RECQL4: variants seen among roughly 807,000 people sequenced by gnomAD.
RECQL4 encodes RecQ like helicase 4.
RECQL4 carries 158 observed loss-of-function variants against 128.6 expected under a neutral mutation model. That is an observed-to-expected ratio of 1.23 (90% CI 1.08 to 1.40). RECQL4 has a LOEUF of 1.40. Ranked by LOEUF, RECQL4 falls within the 40% of genes most tolerant of loss-of-function variation. The probability of loss-of-function intolerance (pLI) is 0.00; values close to 1 mark genes in which losing one functional copy is unlikely to be tolerated. For synonymous variants in RECQL4, 996 were observed against 678.9 expected (o/e 1.47, Z -7.26); for missense variants, 2,293 against 1,649.8 (o/e 1.39, Z -6.75).
rs1827774588 is a variant in RECQL4, at chr8:144,513,984, C to T, written c.2002G>A (p.Ala668Thr). Residue 668 changes from alanine (A) to threonine (T), a missense_variant, in exon 12 of 21, where the codon GCC becomes ACC. Physicochemically the swap from Ala to Thr is moderately conservative, Grantham distance 58 (BLOSUM62 0). Transcript: ENST00000617875. Reference protein sequence around the residue: ...VAEEPDLHGPAPVPTNLHLSV... With the variant: ...VAEEPDLHGPTPVPTNLHLSV... ...AGGTGCAGGTTGGTGGGAACTGGGG[C>T]TGGCCCGTGGAGGTCAGGCTCTTCA... The T allele has an allele frequency of 2.6e-6, 4 of 1,565,528 alleles. No homozygotes were observed. The highest frequency in any genetic ancestry group is 2.4e-5 in the East Asian group (1 of 41,908).
chr8:144,512,536 C>T lies in RECQL4; in HGVS notation c.2911G>A (p.Ala971Thr), dbSNP rs1827445508. The T allele has an allele frequency of 1.9e-6, 3 of 1,612,480 alleles. No individual in the cohort carries two copies. Among genetic ancestry groups the T allele is most frequent in the Non-Finnish European group, 2.5e-6 (3 of 1,179,834 alleles). ...CCTGGGTCCTCAGGCAGCTGCTGGG[C>T]CAAGCACACAGCCAAAGGGGGACAC... ...HRCPPLAVCL[A>T]QQLPEDPGQG... The change falls in exon 17 of 21, where the codon GCC becomes ACC. Residue 971 changes from alanine (A) to threonine (T), a missense_variant. Transcript: ENST00000617875.
chr8:144,517,327 C>G, intron 3 of RECQL4, 87 bp downstream of exon 3: 1 of 1,481,672 alleles, frequency 6.7e-7, no homozygotes, highest in Non-Finnish European at 9.0e-7. Flanking sequence ...TTCTGTGCCC[C>G]ACGGCGGCCT....
Position 144,512,190 on chromosome 8 carries a change from G to A in RECQL4, c.3190C>T (p.Arg1064Cys), listed in dbSNP as rs781751586. 2.4e-5 allele frequency: 38 copies of A among 1,611,944 alleles called. 2 individuals carry two copies. The South Asian group carries it at 2.9e-4, about 12-fold the overall frequency. The change falls in exon 18 of 21, where the codon CGC (arginine) becomes TGC (cysteine). Residue 1064 changes from arginine to cysteine, a missense_variant. By Grantham distance (180) the Arg-to-Cys change is radical. Transcript: ENST00000617875. ...CTGCGCAGACGGGCCAGGGCCTGGCGCTCCCGGGCCTGCACACGGCCATAG... is the reference window on the plus strand; with the variant it reads ...CTGCGCAGACGGGCCAGGGCCTGGCACTCCCGGGCCTGCACACGGCCATAG... ...FLYGRVQARERQALARLRRTF... is the reference protein window; with the variant it reads ...FLYGRVQARECQALARLRRTF...
Position 144,512,323 on chromosome 8 carries a change from A to G in RECQL4, c.3057T>C (p.Gly1019=). 1 of 1,612,086 alleles carries G rather than the reference A, an allele frequency of 6.2e-7. No homozygotes were observed. Among genetic ancestry groups the G allele is most frequent in the Non-Finnish European group, 8.5e-7 (1 of 1,179,542 alleles). Residue 1019 remains glycine, a splice_region_variant and synonymous_variant, in exon 18 of 21, where the codon GGT becomes GGC. Transcript: ENST00000617875. ...QLQWDHEPRT[G]VRRGTGVLVE... ...CAAGCACCCCTGTCCCACGCCGCAC[A>G]CCTGCCGGAAAGCATGTCAGATGCA... is the stretch of plus-strand genomic sequence containing the variant.
intron 4 of RECQL4, 75 bp from the exon 5 acceptor site, chr8:144,516,839 T>A: frequency 1.4e-6 from 2 of 1,427,464 alleles, no homozygotes; most frequent in African/African-American, 2.9e-5. Flanking sequence ...CCTACCTGAG[T>A]CCCCACGCTC....
Position 144,516,552 on chromosome 8 carries a change from G to A in RECQL4, c.567C>T (p.Gly189=), listed in dbSNP as rs1815044301. 1.9e-6 allele frequency: 3 copies of A among 1,609,802 alleles called. No individual in the cohort carries two copies. Among genetic ancestry groups the A allele is most frequent in the South Asian group, 1.1e-5 (1 of 90,776 alleles). The change falls in exon 5 of 21, where the codon GGC becomes GGT. Residue 189 remains glycine, a synonymous_variant. Coordinates refer to ENST00000617875, the MANE Select transcript of RECQL4 (RefSeq NM_004260.4). ...CCTCACTGTGACATCGCTGTAACCA[G>A]CCAGGATCTAGGGAGCCCAGCCGCT... ...LSQRLGSLDP[G]WLQRCHSEVP...
At chr8:144,515,499 G>A (rs750142625) in intron 6 of RECQL4, 42 bp from the exon 7 acceptor site, 14 of 1,611,690 alleles carry the variant, frequency 8.7e-6, no homozygotes, top group Non-Finnish European at 9.3e-6. Context: ...CTCCAGGTCG[G>A]GCAAGACAAC....
rs1417459523 is a variant in RECQL4, at chr8:144,514,814, GCCACAGACA to G, written c.1620+113_1620+121del. 7.2e-6 allele frequency: 9 copies of G among 1,256,820 alleles called. No homozygotes were observed. The African/African-American group carries it at 1.3e-4, about 19-fold the overall frequency. 77.9% of individuals were successfully genotyped at this position (1,256,820 alleles called of 1,614,324 possible). ...ACCTGCTGCCAAGACTGGGACTGAGGCCACAGACACCTTGAAGCTCCCAGGGGAGGGGGT... is the reference window on the plus strand; with the variant it reads ...ACCTGCTGCCAAGACTGGGACTGAGGCCTTGAAGCTCCCAGGGGAGGGGGT... On this transcript the variant is annotated intron_variant, in intron 9 of 20. Coordinates refer to ENST00000617875, the MANE Select transcript of RECQL4 (RefSeq NM_004260.4).
chr8:144,515,164 A>G lies in RECQL4; in HGVS notation c.1469T>C (p.Met490Thr), dbSNP rs1554900934. The change falls in exon 8 of 21, where the codon ATG (methionine) becomes ACG (threonine). Residue 490 changes from methionine to threonine, a missense_variant. Transcript: ENST00000617875. ...AFRPGQERAV[M>T]RILSGISTLL... ...GCCACGCTCACCAGACAGGATCCGC[A>G]TGACTGCACGCTCCTGCCCAGGGCG... 6.4e-6 allele frequency: 10 copies of G among 1,565,444 alleles called. No homozygotes were observed. Among genetic ancestry groups the G allele is most frequent in the South Asian group, 1.2e-5 (1 of 85,448 alleles).
At position 144,511,293 on chromosome 8, in the gene RECQL4, A is replaced by G; in HGVS notation, c.*138T>C. On this transcript the variant is annotated 3_prime_UTR_variant, in exon 21 of 21. Coordinates refer to ENST00000617875, the MANE Select transcript of RECQL4 (RefSeq NM_004260.4). The stretch of plus-strand genomic sequence containing the variant: ...TCATTGGCCAAGAGGGCCCATAAAA[A>G]CAAAGTGAGCATTTTTTATTCTGCA... The G allele has an allele frequency of 6.5e-7, 1 of 1,540,674 alleles. No homozygotes were observed. The highest frequency in any genetic ancestry group is 8.8e-7 in the Non-Finnish European group (1 of 1,142,248).
In RECQL4 at chr8:144,514,012, C is replaced by T. The variant is rs751482714; in HGVS notation, c.1974G>A (p.Val658=). Residue 658 remains valine, a synonymous_variant, in exon 12 of 21, where the codon GTG becomes GTA. Coordinates refer to ENST00000617875, the MANE Select transcript of RECQL4 (RefSeq NM_004260.4). The part of the protein sequence containing the change: ...TASDVAQHLA[V]AEEPDLHGPA... ...GCCCGTGGAGGTCAGGCTCTTCAGCCACAGCCAGGTGCTGTGCCACGTCAC... is the reference window on the plus strand; with the variant it reads ...GCCCGTGGAGGTCAGGCTCTTCAGCTACAGCCAGGTGCTGTGCCACGTCAC... 3 of 1,570,564 alleles carry T rather than the reference C, an allele frequency of 1.9e-6. No individual in the cohort carries two copies. The highest frequency in any genetic ancestry group is 1.9e-5 in the Admixed American group (1 of 53,814).
rs994146252 is a variant in RECQL4 at position 144,513,280 on chromosome 8, C to T, written c.2401G>A (p.Ala801Thr). Residue 801 changes from alanine to threonine, a missense_variant, in exon 14 of 21, where the codon GCC becomes ACC. Coordinates refer to ENST00000617875, the MANE Select transcript of RECQL4 (RefSeq NM_004260.4). ...LPPSFESYVQ[A>T]VGRAGRDGQP... The stretch of plus-strand genomic sequence containing the variant: ...CCGTCACGCCCGGCCCGGCCCACGG[C>T]CTGCACGTAGCTCTCGAAGCTTGGG... 1.3e-6 allele frequency: 2 copies of T among 1,597,958 alleles called. No individual in the cohort carries two copies. The highest frequency in any genetic ancestry group is 2.2e-5 in the South Asian group (2 of 90,786).
chr8:144,516,877 G>A (rs918227771), intron 4 of RECQL4, 113 bp from the exon 5 acceptor site: 43 of 1,381,492 alleles, frequency 3.1e-5, no homozygotes, highest in Admixed American at 1.7e-4. Flanking sequence ...ATTAGCACAA[G>A]GCTGGACTAG....
chr8:144,513,987 G>A lies in RECQL4; in HGVS notation c.1999C>T (p.Pro667Ser), dbSNP rs770382665. 1.3e-6 allele frequency: 2 copies of A among 1,565,920 alleles called. No homozygotes were observed. Among genetic ancestry groups the A allele is most frequent in the Middle Eastern group, 1.7e-4 (1 of 5,764 alleles). The part of the protein sequence containing the change: ...AVAEEPDLHG[P>S]APVPTNLHLS... ...TGCAGGTTGGTGGGAACTGGGGCTG[G>A]CCCGTGGAGGTCAGGCTCTTCAGCC... The change falls in exon 12 of 21, where the codon CCA becomes TCA. Residue 667 changes from proline to serine, a missense_variant. Coordinates refer to ENST00000617875, the MANE Select transcript of RECQL4 (RefSeq NM_004260.4).
rs1043491319 is a variant in RECQL4 at position 144,514,423 on chromosome 8, A to G, written c.1704+19T>C. ...CCCGCCCGCTGCCTCCCTCACCCCT[A>G]GGCCCATGAGGCCCCCACCTTCTGC... is the stretch of plus-strand genomic sequence containing the variant. On this transcript the variant is annotated intron_variant, in intron 10 of 20. Transcript: ENST00000617875. The G allele has an allele frequency of 6.8e-6, 11 of 1,609,806 alleles. No individual in the cohort carries two copies.
At position 144,514,306 on chromosome 8, in the gene RECQL4, CG is replaced by C. The variant is rs1827833554; in HGVS notation, c.1760del (p.Ala587GlyfsTer103). 6.2e-7 allele frequency: 1 copy of C among 1,609,902 alleles called. No individual in the cohort carries two copies. The highest frequency in any genetic ancestry group is 1.3e-5 in the African/African-American group (1 of 74,862). On this transcript the variant is annotated frameshift_variant, in exon 11 of 21. Transcript: ENST00000617875. LOFTEE classifies it high-confidence loss of function. ...LMLTPEALVG[A>X]GGLPPAAQLP... ...GCTGTGCGGCTGGAGGGAGGCCTCC[CG>C]CCCCCACCAGTGCCTCAGGTGTCAG... is the stretch of plus-strand genomic sequence containing the variant.
At chr8:144,511,594 C>T (rs1476600820) in intron 20 of RECQL4, 39 bp from the exon 21 acceptor site, 35 of 1,608,026 alleles carry the variant, frequency 2.2e-5, no homozygotes, top group Non-Finnish European at 3.0e-5. Context: ...GCCCCAGCCC[C>T]AGCCTGCAGC....
chr8:144,512,327 G>C lies in RECQL4; in HGVS notation c.3056-3C>G, dbSNP rs2130660769. ...CACCCCTGTCCCACGCCGCACACCT[G>C]CCGGAAAGCATGTCAGATGCAGGCA... On this transcript the variant is annotated splice_region_variant and splice_polypyrimidine_tract_variant and intron_variant, in intron 17 of 20. Coordinates refer to ENST00000617875, the MANE Select transcript of RECQL4 (RefSeq NM_004260.4). 1.9e-6 allele frequency: 3 copies of C among 1,612,010 alleles called. No homozygotes were observed. The highest frequency in any genetic ancestry group is 2.5e-6 in the Non-Finnish European group (3 of 1,179,452).
In RECQL4 at chr8:144,516,287, C is replaced by T. The variant is rs749625708; in HGVS notation, c.832G>A (p.Glu278Lys). The change falls in exon 5 of 21, where the codon GAG becomes AAG. Residue 278 changes from glutamate to lysine, a missense_variant. Coordinates refer to ENST00000617875, the MANE Select transcript of RECQL4 (RefSeq NM_004260.4). ...PWESPAQVQQESSQAGPPSEG... is the reference protein window; with the variant it reads ...PWESPAQVQQKSSQAGPPSEG... ...GATGGGGGTCCAGCTTGGCTGCTCT[C>T]CTGCTGGACCTGTGCGGGGCTCTCC... 26 of 1,610,864 alleles carry T rather than the reference C, an allele frequency of 1.6e-5. No homozygotes were observed. Among genetic ancestry groups the T allele is most frequent in the Non-Finnish European group, 1.9e-5 (22 of 1,179,140 alleles).
Sources: gnomAD v4.1 joint callset for allele counts on GRCh38, gnomAD v4.1.1 for gene constraint, MANE v1.5 for transcripts, NCBI Gene and HGNC (gene_info 2026-07-23, HGNC 2026-07-21) for gene names.